RBFOX3: variants seen among roughly 807,000 people sequenced by gnomAD.
RBFOX3 encodes RNA binding protein fox-1 homolog 3.
Under a neutral mutation model 48.7 loss-of-function variants are expected in RBFOX3, and 17 were observed. The ratio of observed to expected loss-of-function variants is 0.35; its 90% CI spans 0.24 to 0.52. The LOEUF is 0.52. RBFOX3 is among the 20% of genes least tolerant of loss of function. The pLI is 0.94. For synonymous variants in RBFOX3, 212 were observed against 209.5 expected (o/e 1.01, Z -0.10); for missense variants, 382 against 497.5 (o/e 0.77, Z 2.21).
At chr17:79,284,543 CT>C (rs55731401) in intron 3 of RBFOX3, among the ~76,000 whole-genome samples, 26 of 135,744 alleles carry the variant, frequency 1.9e-4, no homozygotes, top group Non-Finnish European at 1.5e-4. Context: ...AAGAGACTCG[CT>C]TTTTTTTTTT....
chr17:79,236,600 C>A (rs924431791), intron 3 of RBFOX3, among the ~76,000 whole-genome samples: 5 of 152,204 alleles, frequency 3.3e-5, no homozygotes, highest in African/African-American at 1.2e-4. Context: ...TTCTAAATCC[C>A]ACCAAACACA....
intron 4 of RBFOX3, among the ~76,000 whole-genome samples, chr17:79,150,902 G>C (rs2044274433): frequency 2.0e-5 from 3 of 152,338 alleles, no homozygotes; most frequent in Non-Finnish European, 1.5e-5. Flanking sequence ...CTCATGCCTA[G>C]CGCCGCCTGC....
the RBFOX3 span, among the ~76,000 whole-genome samples, chr17:79,656,794 G>GAA: frequency 2.0e-4 from 1 of 4,958 alleles, no homozygotes; most frequent in Admixed American, 4.7e-3. Context: ...AAGAAAGAAA[G>GAA]AAAGAAAGAA....
rs2060632992 is a variant in RBFOX3 at position 79,386,872 on chromosome 17, G to A, written c.-174-79048C>T. Among the ~76,000 whole-genome samples, 2 of 152,226 alleles carry A rather than the reference G, an allele frequency of 1.3e-5. 1 individual carries two copies. The highest frequency in any genetic ancestry group is 4.1e-4 in the South Asian group (2 of 4,832). On this transcript the variant is annotated intron_variant, in intron 2 of 14. Transcript: ENST00000693108. ...TAGCAGCCATGTCCGTGTGTGATGTGGCAGGACCCCATATTTTGACATTTG... is the reference window on the plus strand; with the variant it reads ...TAGCAGCCATGTCCGTGTGTGATGTAGCAGGACCCCATATTTTGACATTTG...
chr17:79,094,236 G>A, intron 14 of RBFOX3: 1 of 477,484 alleles, frequency 2.1e-6, no homozygotes, highest in South Asian at 3.7e-5. Context: ...ATGGTACGGT[G>A]GGCTGACCAG....
chr17:79,289,341 C>G (rs947989383), intron 3 of RBFOX3, among the ~76,000 whole-genome samples: 2 of 152,200 alleles, frequency 1.3e-5, no homozygotes, highest in African/African-American at 2.4e-5. Context: ...GTTTCTGCCC[C>G]GGCCCTTAGT....
rs896159734 is a variant in RBFOX3 at position 79,577,179 on chromosome 17, C to T, written c.-320+33647G>A. ...GAAGATGGACAGAGCCAGTGCAGGACGTGTCTGTCTTCCAATGACCAAGAT... is the reference window on the plus strand; with the variant it reads ...GAAGATGGACAGAGCCAGTGCAGGATGTGTCTGTCTTCCAATGACCAAGAT... On this transcript the variant is annotated intron_variant, in intron 1 of 14. Coordinates refer to ENST00000693108, the MANE Select transcript of RBFOX3 (RefSeq NM_001350451.2). Among the ~76,000 whole-genome samples the T allele has an allele frequency of 1.8e-4, 28 of 152,292 alleles. No homozygotes were observed. In the East Asian group the frequency reaches 4.6e-3, roughly 25 times the overall value.
At chr17:79,429,020 A>G (rs1230728515) in intron 2 of RBFOX3, among the ~76,000 whole-genome samples, 2 of 151,440 alleles carry the variant, frequency 1.3e-5, no homozygotes, top group African/African-American at 4.9e-5. Flanking sequence ...TGACTCCCCC[A>G]GAGAGACTCT....
intron 2 of RBFOX3, among the ~76,000 whole-genome samples, chr17:79,439,520 G>A (rs1277405981): frequency 6.6e-5 from 10 of 152,224 alleles, no homozygotes; most frequent in Non-Finnish European, 1.3e-4. Context: ...TTTCCAGGAG[G>A]TCTAGGCTGT....
At chr17:79,124,880 G>A (rs544345718) in intron 4 of RBFOX3, among the ~76,000 whole-genome samples, 7 of 152,174 alleles carry the variant, frequency 4.6e-5, no homozygotes, top group South Asian at 4.2e-4. Flanking sequence ...GGCTGTCGTC[G>A]GCTGGCTCTG....
intron 2 of RBFOX3, among the ~76,000 whole-genome samples, chr17:79,476,820 C>T (rs1265160112): frequency 2.4e-5 from 3 of 124,208 alleles, no homozygotes; most frequent in Admixed American, 8.0e-5. Flanking sequence ...GTGGCGGGGA[C>T]AGAGAGAGAC....
rs962723013 is a variant in RBFOX3 at position 79,594,450 on chromosome 17, C to T, written c.-320+16376G>A. On this transcript the variant is annotated intron_variant, in intron 1 of 14. Coordinates refer to ENST00000693108, the MANE Select transcript of RBFOX3 (RefSeq NM_001350451.2). ...AGATGCTCCTGTTCACACCACCAGC[C>T]AGCCCCCTCCAGGCTCTGCCTCCCA... is the stretch of plus-strand genomic sequence containing the variant. Among the ~76,000 whole-genome samples the T allele has an allele frequency of 8.9e-3, 1,362 of 152,278 alleles. 6 individuals carry two copies. Among genetic ancestry groups the T allele is most frequent in the Non-Finnish European group, 0.015 (1,000 of 68,030 alleles).
chr17:79,602,849 C>G (rs1568447862), intron 1 of RBFOX3, among the ~76,000 whole-genome samples: 1 of 152,140 alleles, frequency 6.6e-6, no homozygotes, highest in Non-Finnish European at 1.5e-5. Context: ...GGGAGGGAGG[C>G]CATGATCCTG....
chr17:79,237,312 T>C (rs1297004889), intron 3 of RBFOX3, among the ~76,000 whole-genome samples: 1 of 152,196 alleles, frequency 6.6e-6, no homozygotes, highest in African/African-American at 2.4e-5. Context: ...GGTCGTTTAG[T>C]TTGCATGGTT....
chr17:79,210,415 G>A (rs976787953), intron 4 of RBFOX3, among the ~76,000 whole-genome samples: 5 of 152,142 alleles, frequency 3.3e-5, no homozygotes, highest in African/African-American at 1.2e-4. Flanking sequence ...ATACAGAGAC[G>A]GCTTCCCTTG....
At chr17:79,318,173 T>G (rs2077808210) in intron 2 of RBFOX3, among the ~76,000 whole-genome samples, 2 of 152,108 alleles carry the variant, frequency 1.3e-5, no homozygotes, top group South Asian at 4.1e-4. Flanking sequence ...ATTCCTATCA[T>G]GAGTGGAACA....
intron 2 of RBFOX3, among the ~76,000 whole-genome samples, chr17:79,465,272 G>T (rs1216412615): frequency 1.3e-5 from 2 of 152,194 alleles, no homozygotes; most frequent in African/African-American, 2.4e-5. Flanking sequence ...AACCAGAGCT[G>T]CTCGTCAGAG....
rs999687005 is a variant in RBFOX3, at chr17:79,361,751, C to A, written c.-174-53927G>T. 6.6e-6 allele frequency among the ~76,000 whole-genome samples: 1 copy of A among 152,204 alleles called. No individual in the cohort carries two copies. Among genetic ancestry groups the A allele is most frequent in the Non-Finnish European group, 1.5e-5 (1 of 68,038 alleles). On this transcript the variant is annotated intron_variant, in intron 2 of 14. Transcript: ENST00000693108. The surrounding 1 kb of genome is among the most constrained non-coding windows in gnomAD (Gnocchi z 4.5). ...ACGTGTGTGCGCTGTGCAGGGGTAC[C>A]CAGTGTAACTGCCTGCACTTATTTA...
chr17:79,091,031 C>T (rs1213084731), intron 14 of RBFOX3, 146 bp from the exon 15 acceptor site: 1 of 812,344 alleles, frequency 1.2e-6, no homozygotes, highest in Non-Finnish European at 1.9e-6. Context: ...GGACCCTCAT[C>T]TTCCAGGGCT....
Sources: allele counts gnomAD v4.1 joint callset (sites outside exome capture counted in the v4.1 genomes callset), GRCh38; gene constraint gnomAD v4.1.1; non-coding constraint Gnocchi (gnomAD v3.1); transcripts MANE v1.5; gene names NCBI Gene and HGNC (gene_info 2026-07-23, HGNC 2026-07-21).